The following DMTF1 variants were observed in gnomAD, a reference collection of about 807,000 sequenced individuals.
DMTF1 encodes the protein cyclin-D-binding Myb-like transcription factor 1.
A neutral mutation model predicts 91.1 loss-of-function variants in DMTF1; 39 were observed. The ratio of observed to expected loss-of-function variants is 0.43; its 90% confidence interval spans 0.33 to 0.56. The LOEUF (loss-of-function observed/expected upper bound fraction) is 0.56. DMTF1 is among the 20% of genes least tolerant of loss of function. DMTF1 has a pLI of 0.05. For missense variants in DMTF1, 750 were observed against 914.5 expected, an observed-to-expected ratio of 0.82 and a Z score of 2.32; for synonymous variants, 338 against 309.5, an observed-to-expected ratio of 1.09 and a Z score of -0.97.
At chr7:87,166,440 C>T in intron 3 of DMTF1, 43 bp from the exon 4 acceptor site, 5 of 1,577,412 alleles carry the variant, frequency 3.2e-6, no homozygotes, top group Non-Finnish European at 4.3e-6. Flanking sequence ...TTTATTTTCC[C>T]TCTTTGGTTT....
intron 8 of DMTF1, among the ~76,000 whole-genome samples, chr7:87,180,856 C>CTTTTTTTTTTTTTTT (rs397889347): frequency 1.2e-4 from 15 of 127,666 alleles, no homozygotes; most frequent in African/African-American, 4.4e-4. Flanking sequence ...TTATTTTCAA[C>CTTTTTTTTTTTTTTT]TTTTTTTTTT....
At chr7:87,153,139 CT>C (rs1479683074) in intron 1 of DMTF1, among the ~76,000 whole-genome samples, 1 of 151,918 alleles carries the variant, frequency 6.6e-6, no homozygotes, top group Non-Finnish European at 1.5e-5. Flanking sequence ...TTAGATTCTT[CT>C]GTAATTTTGC....
chr7:87,187,315 C>G (rs901829315), intron 12 of DMTF1: 1 of 152,440 alleles, frequency 6.6e-6, no homozygotes, highest in Non-Finnish European at 1.5e-5. Context: ...AGGAGGATCA[C>G]TTGACGCTAG....
intron 4 of DMTF1, among the ~76,000 whole-genome samples, chr7:87,170,613 C>G (rs1175264993): frequency 1.1e-4 from 17 of 152,130 alleles, no homozygotes; most frequent in Admixed American, 1.0e-3. Flanking sequence ...GTCACTTTTC[C>G]TAGCCTCCTA....
In DMTF1 at chr7:87,179,533, TA is replaced by T; in HGVS notation, c.520-10del. On this transcript the variant is annotated splice_polypyrimidine_tract_variant and intron_variant, in intron 7 of 17. Coordinates refer to ENST00000331242, the MANE Select transcript of DMTF1 (RefSeq NM_001142327.2). ...CAGAAATCCCTAAATCAAAGAAATG[TA>T]ACCCATTTAGGCACGCGGAATAAAA... 1.3e-6 allele frequency: 2 copies of T among 1,499,296 alleles called. No individual in the cohort carries two copies. Among genetic ancestry groups the T allele is most frequent in the Admixed American group, 2.6e-5 (1 of 37,886 alleles). The allele number at this position is 1,499,296 out of a possible 1,614,324, so 92.9% of individuals were successfully genotyped here. A position where few individuals can be genotyped will look rare whatever the true frequency, so the allele number is the denominator to read the frequency against.
intron 4 of DMTF1, among the ~76,000 whole-genome samples, chr7:87,167,414 A>G (rs954127275): frequency 6.6e-6 from 1 of 152,152 alleles, no homozygotes; most frequent in Non-Finnish European, 1.5e-5. Flanking sequence ...TCTGGAGTAG[A>G]TGCTTTTGTC....
chr7:87,172,598 CCTT>C (rs1795322072), intron 5 of DMTF1, among the ~76,000 whole-genome samples: 1 of 150,914 alleles, frequency 6.6e-6, no homozygotes, highest in South Asian at 2.1e-4. Context: ...GTAGTCCAGT[CCTT>C]CTTAGGATTT....
At chr7:87,160,410 G>A (rs1214930283) in intron 1 of DMTF1, among the ~76,000 whole-genome samples, 1 of 151,968 alleles carries the variant, frequency 6.6e-6, no homozygotes, top group African/African-American at 2.4e-5. Context: ...GAGTAGCTGG[G>A]ATTACAGGCG....
chr7:87,179,505 T>G, intron 7 of DMTF1, 40 bp from the exon 8 acceptor site: 3 of 1,455,822 alleles, frequency 2.1e-6, no homozygotes, highest in Non-Finnish European at 2.7e-6. Context: ...ATATGCATTT[T>G]ATCAGAAATC....
chr7:87,153,859 A>G (rs1011748674), intron 1 of DMTF1, among the ~76,000 whole-genome samples: 2 of 152,264 alleles, frequency 1.3e-5, no homozygotes, highest in Non-Finnish European at 1.5e-5. Flanking sequence ...TTCTTCCACT[A>G]TGTTGAAAGT....
intron 1 of DMTF1, among the ~76,000 whole-genome samples, chr7:87,159,060 ATGG>A (rs759470158): frequency 1.3e-5 from 2 of 152,154 alleles, no homozygotes; most frequent in Admixed American, 6.5e-5. Flanking sequence ...AAATTTACAG[ATGG>A]TGGTTGAAAT....
chr7:87,168,448 C>T (rs1049722203), intron 4 of DMTF1, among the ~76,000 whole-genome samples: 5 of 152,324 alleles, frequency 3.3e-5, no homozygotes, highest in Admixed American at 3.3e-4. Context: ...TTCCAGCTCA[C>T]TTCCTGTAGG....
intron 9 of DMTF1, among the ~76,000 whole-genome samples, chr7:87,181,782 G>A (rs1363494611): frequency 1.3e-5 from 2 of 152,130 alleles, no homozygotes; most frequent in African/African-American, 4.8e-5. Context: ...GCTTTATTGA[G>A]TTAGACCTTA....
At chr7:87,185,753 A>G (rs546429392) in intron 11 of DMTF1, 76 bp from the exon 12 acceptor site, 14 of 1,520,128 alleles carry the variant, frequency 9.2e-6, no homozygotes, top group South Asian at 4.6e-5. Context: ...TGCCAGTGCA[A>G]TTACCTGTAG....
At chr7:87,166,408 T>C (rs1584261196) in intron 3 of DMTF1, 75 bp from the exon 4 acceptor site, 2 of 1,476,548 alleles carry the variant, frequency 1.4e-6, no homozygotes, top group Non-Finnish European at 1.8e-6. Context: ...GATAAGAAAA[T>C]TGTAGAGCCA....
In DMTF1 at chr7:87,193,882, C is replaced by T; in HGVS notation, c.1808C>T (p.Pro603Leu). 2 of 1,613,336 alleles carry T rather than the reference C, an allele frequency of 1.2e-6. No homozygotes were observed. Among genetic ancestry groups the T allele is most frequent in the Non-Finnish European group, 1.7e-6 (2 of 1,179,596 alleles). Residue 603 changes from proline to leucine, a missense_variant, in exon 16 of 18, where the codon CCT (proline) becomes CTT (leucine). By Grantham distance (98) the Pro-to-Leu change is moderately conservative (BLOSUM62 -3). Coordinates refer to ENST00000331242, the MANE Select transcript of DMTF1 (RefSeq NM_001142327.2). ...ATTCAGTCATCTGATTTTCCTGAGC[C>T]TCCAGACGCCCTAGAAGCAGACACT... Reference protein sequence around the residue: ...SDIQSSDFPEPPDALEADTFP... With the variant: ...SDIQSSDFPELPDALEADTFP...
chr7:87,184,582 G>A lies in DMTF1; in HGVS notation c.1006G>A (p.Gly336Ser). ...CTACCTGAATTGGAAACAGAGTGGG[G>A]GTACTGAATGGACCAAGGAAGATGA... ...LNYLNWKQSGGTEWTKEDEIN... is the reference protein window; with the variant it reads ...LNYLNWKQSGSTEWTKEDEIN... Residue 336 changes from glycine (G) to serine (S), a missense_variant, in exon 11 of 18, where the codon GGT (glycine) becomes AGT (serine). Gly to Ser is a moderately conservative substitution (Grantham distance 56). Transcript: ENST00000331242. The A allele has an allele frequency of 6.2e-7, 1 of 1,613,886 alleles. No homozygotes were observed. The highest frequency in any genetic ancestry group is 8.5e-7 in the Non-Finnish European group (1 of 1,179,898).
chr7:87,194,851 A>G (rs755398251), intron 17 of DMTF1, 23 bp downstream of exon 17: 22 of 1,579,532 alleles, frequency 1.4e-5, no homozygotes, highest in East Asian at 4.5e-5. Flanking sequence ...AATACTTACT[A>G]TGTGCCTGAT....
At chr7:87,163,728 TGAA>T (rs1793086749) in intron 2 of DMTF1, 111 bp downstream of exon 2, 1 of 152,214 alleles carries the variant, frequency 6.6e-6, no homozygotes, top group South Asian at 2.1e-4. Flanking sequence ...TATTGTAAAA[TGAA>T]TGATGTCCTT....
Sources: allele counts gnomAD v4.1 joint callset (sites outside exome capture counted in the v4.1 genomes callset), GRCh38; gene constraint gnomAD v4.1.1; transcripts MANE v1.5; gene names NCBI Gene and HGNC (gene_info 2026-07-23, HGNC 2026-07-21).